Variants in ZNF385B observed in about 807,000 individuals in gnomAD.
ZNF385B encodes zinc finger protein 533.
A neutral mutation model predicts 39.2 loss-of-function variants in ZNF385B; 23 were observed. The ratio of observed to expected loss-of-function variants is 0.59; its 90% CI spans 0.42 to 0.83. ZNF385B has a LOEUF of 0.83. Among genes scored for constraint, ZNF385B ranks in the 40% least tolerant of loss-of-function variants. The pLI is 0.00. For synonymous variants in ZNF385B, 205 were observed against 222.6 expected (o/e 0.92, Z 0.70); for missense variants, 552 against 598.9 (o/e 0.92, Z 0.82).
intron 1 of ZNF385B, among the ~76,000 whole-genome samples, chr2:179,828,419 C>T (rs1017375398): frequency 6.6e-6 from 1 of 152,080 alleles, no homozygotes; most frequent in Admixed American, 6.6e-5. Flanking sequence ...CAACATTTAG[C>T]AATAATGGCC....
intron 6 of ZNF385B, among the ~76,000 whole-genome samples, chr2:179,474,335 G>A (rs891363994): frequency 6.6e-6 from 1 of 151,874 alleles, no homozygotes; most frequent in East Asian, 1.9e-4. Context: ...ATATTTGGTT[G>A]GTGCAAAAGT....
At chr2:179,535,585 A>G (rs1406283933) in intron 4 of ZNF385B, among the ~76,000 whole-genome samples, 2 of 152,250 alleles carry the variant, frequency 1.3e-5, no homozygotes, top group African/African-American at 4.8e-5. Flanking sequence ...ATGTGGGTAC[A>G]TTAAAAGAAT....
chr2:179,494,829 T>A (rs2056025797), intron 5 of ZNF385B, among the ~76,000 whole-genome samples: 1 of 152,232 alleles, frequency 6.6e-6, no homozygotes, highest in Non-Finnish European at 1.5e-5. Context: ...TATGCTGTTC[T>A]GCACTTTGCC....
At chr2:179,845,256 G>A (rs111436305) in intron 1 of ZNF385B, among the ~76,000 whole-genome samples, 4 of 152,184 alleles carry the variant, frequency 2.6e-5, no homozygotes, top group African/African-American at 9.6e-5. Flanking sequence ...TTCTTTAGTG[G>A]GTCATATGAG....
chr2:179,836,339 G>A (rs1021271412), intron 1 of ZNF385B, among the ~76,000 whole-genome samples: 1 of 152,168 alleles, frequency 6.6e-6, no homozygotes, highest in South Asian at 2.1e-4. Flanking sequence ...TAGACCCACA[G>A]TGTTAAAACA....
intron 3 of ZNF385B, among the ~76,000 whole-genome samples, chr2:179,761,737 C>G (rs1309478440): frequency 6.7e-6 from 1 of 149,618 alleles, no homozygotes; most frequent in African/African-American, 2.4e-5. Flanking sequence ...CACCACCATG[C>G]CTGGCTAACA....
chr2:179,596,670 GT>G (rs1244459333), intron 3 of ZNF385B, among the ~76,000 whole-genome samples: 1 of 152,180 alleles, frequency 6.6e-6, no homozygotes, highest in Admixed American at 6.5e-5. Context: ...TCAGCAAAGA[GT>G]TGTACAACCA....
At chr2:179,754,767 C>T (rs181062871) in intron 3 of ZNF385B, among the ~76,000 whole-genome samples, 61 of 152,212 alleles carry the variant, frequency 4.0e-4, no homozygotes, top group African/African-American at 5.3e-4. Flanking sequence ...TCTTTGGGAT[C>T]GGTGGTGATA....
chr2:179,737,094 T>C (rs549646117), intron 3 of ZNF385B, among the ~76,000 whole-genome samples: 20 of 152,340 alleles, frequency 1.3e-4, no homozygotes, highest in African/African-American at 4.8e-4. Flanking sequence ...ACTGTTAAGT[T>C]GTCATTCAAA....
rs751545591 is a variant in ZNF385B, at chr2:179,648,293, AG to A, written c.299-103325del. 1.6e-3 allele frequency among the ~76,000 whole-genome samples: 240 copies of A among 152,232 alleles called. 2 individuals carry two copies. Among genetic ancestry groups the A allele is most frequent in the Non-Finnish European group, 2.4e-3 (161 of 67,996 alleles). Reference sequence around the variant, plus strand: ...CAGTGGCAACGAGAGATGGTTACATAGGGGTGTTGATCAATTTCATAAATAT... The same window carrying A: ...CAGTGGCAACGAGAGATGGTTACATAGGGTGTTGATCAATTTCATAAATAT... On this transcript the variant is annotated intron_variant, in intron 3 of 9. Coordinates refer to ENST00000410066, the MANE Select transcript of ZNF385B (RefSeq NM_152520.6).
intron 1 of ZNF385B, among the ~76,000 whole-genome samples, chr2:179,791,437 G>C (rs1233037014): frequency 6.6e-6 from 1 of 152,124 alleles, no homozygotes; most frequent in Non-Finnish European, 1.5e-5. Flanking sequence ...TAGAATATTT[G>C]TACAAATGTC....
At chr2:179,552,404 C>T (rs938792649) in intron 3 of ZNF385B, among the ~76,000 whole-genome samples, 1 of 148,980 alleles carries the variant, frequency 6.7e-6, no homozygotes, top group African/African-American at 2.5e-5. Flanking sequence ...TCTTCTTATG[C>T]CATTATTATG....
intron 4 of ZNF385B, among the ~76,000 whole-genome samples, chr2:179,528,355 C>A (rs1408836438): frequency 6.6e-6 from 1 of 152,184 alleles, no homozygotes; most frequent in Non-Finnish European, 1.5e-5. Flanking sequence ...GTACTAGACA[C>A]CTTTCATCTG....
chr2:179,784,569 T>C (rs1336902170), intron 1 of ZNF385B, among the ~76,000 whole-genome samples: 1 of 151,942 alleles, frequency 6.6e-6, no homozygotes, highest in Non-Finnish European at 1.5e-5. Context: ...TTGCAATACA[T>C]ATATACAACA....
At chr2:179,610,217 G>T (rs1689173117) in intron 3 of ZNF385B, among the ~76,000 whole-genome samples, 1 of 151,978 alleles carries the variant, frequency 6.6e-6, no homozygotes, top group Non-Finnish European at 1.5e-5. Context: ...AATTCATTTT[G>T]ATTTTATTTT....
intron 3 of ZNF385B, among the ~76,000 whole-genome samples, chr2:179,763,569 C>A (rs1703520531): frequency 6.6e-6 from 1 of 152,008 alleles, no homozygotes; most frequent in Admixed American, 6.6e-5. Context: ...CTATTCTTTT[C>A]TAGCTTCTTG....
At chr2:179,496,941 T>G (rs1574455906) in intron 5 of ZNF385B, among the ~76,000 whole-genome samples, 1 of 152,188 alleles carries the variant, frequency 6.6e-6, no homozygotes, top group African/African-American at 2.4e-5. Context: ...CCCAGCTACT[T>G]GAGAGGCTGA....
intron 4 of ZNF385B, among the ~76,000 whole-genome samples, chr2:179,537,758 CAAACAAACA>C (rs200197599): frequency 0.1 from 10,165 of 99,702 alleles, 446 homozygotes; most frequent in Middle Eastern, 0.27. Flanking sequence ...AACAAACAAA[CAAACAAACA>C]AAAAAAAAAA....
intron 1 of ZNF385B, among the ~76,000 whole-genome samples, chr2:179,797,931 C>T (rs536788205): frequency 1.3e-5 from 2 of 152,174 alleles, no homozygotes; most frequent in African/African-American, 4.8e-5. Context: ...TATACTCTTA[C>T]AAAAAGAAAA....
Sources: allele counts gnomAD v4.1 joint callset (sites outside exome capture counted in the v4.1 genomes callset), GRCh38; gene constraint gnomAD v4.1.1; transcripts MANE v1.5; gene names NCBI Gene and HGNC (gene_info 2026-07-23, HGNC 2026-07-21).